The following FLACC1 variants were observed in gnomAD, a reference collection of about 807,000 sequenced individuals.
FLACC1 encodes the protein flagellum-associated coiled-coil domain-containing protein 1.
FLACC1 carries 66 observed loss-of-function variants against 62.8 expected under a neutral mutation model. The ratio of observed to expected loss-of-function variants is 1.05; its 90% confidence interval spans 0.86 to 1.29. The LOEUF is 1.29. FLACC1 is among the 50% of genes most tolerant of loss of function. FLACC1 has a pLI of 0.00. For missense variants in FLACC1, 452 were observed against 489.1 expected (o/e 0.92, Z 0.71); for synonymous variants, 156 against 161.0 (o/e 0.97, Z 0.24).
chr2:201,323,072 G>A (rs930026320), intron 9 of FLACC1, among the ~76,000 whole-genome samples: 1 of 152,064 alleles, frequency 6.6e-6, no homozygotes. Flanking sequence ...AATGAACAAA[G>A]TCTTCAAGAA....
chr2:201,300,642 C>T (rs1008054034), intron 11 of FLACC1, among the ~76,000 whole-genome samples: 13 of 152,116 alleles, frequency 8.5e-5, no homozygotes, highest in Non-Finnish European at 1.8e-4. Flanking sequence ...GGGTCCCTGA[C>T]CCCCGAGAAG....
intron 11 of FLACC1, among the ~76,000 whole-genome samples, chr2:201,303,525 T>A (rs1950034530): frequency 2.0e-5 from 3 of 152,204 alleles, no homozygotes; most frequent in Admixed American, 2.0e-4. Flanking sequence ...GTACCATTCC[T>A]TTGAAACTAT....
chr2:201,337,315 A>G (rs891984561), intron 7 of FLACC1, among the ~76,000 whole-genome samples: 6 of 152,172 alleles, frequency 3.9e-5, no homozygotes, highest in African/African-American at 1.2e-4. Context: ...ATTTTTGTAC[A>G]TGATGAGAGA....
chr2:201,307,322 T>C (rs1409320396), intron 11 of FLACC1, among the ~76,000 whole-genome samples, 197 bp downstream of exon 11: 1 of 152,248 alleles, frequency 6.6e-6, no homozygotes, highest in Non-Finnish European at 1.5e-5. Flanking sequence ...GATAAGACTG[T>C]CTAGCCTGTG....
At chr2:201,289,392 C>T in intron 14 of FLACC1, 65 bp downstream of exon 14, 1 of 1,477,970 alleles carries the variant, frequency 6.8e-7, no homozygotes, top group Non-Finnish European at 9.4e-7. Flanking sequence ...TAACCCATTC[C>T]TCACTCAAAC....
chr2:201,289,362 G>A, intron 14 of FLACC1, 95 bp downstream of exon 14: 2 of 1,141,086 alleles, frequency 1.8e-6, no homozygotes, highest in South Asian at 2.7e-5. Flanking sequence ...CATAACTAGG[G>A]AGCAGTTGGT....
At chr2:201,318,414 C>T (rs556138028) in intron 9 of FLACC1, among the ~76,000 whole-genome samples, 2 of 151,920 alleles carry the variant, frequency 1.3e-5, no homozygotes, top group Non-Finnish European at 2.9e-5. Context: ...AAACAAATAA[C>T]CCATCAAAAA....
chr2:201,360,854 G>A (rs1951180433), upstream of FLACC1, among the ~76,000 whole-genome samples: 1 of 152,178 alleles, frequency 6.6e-6, no homozygotes, highest in South Asian at 2.1e-4. Flanking sequence ...AAGGTGGGTG[G>A]ATCAACTGAG....
chr2:201,363,492 C>T, the FLACC1 span, among the ~76,000 whole-genome samples: 1 of 152,116 alleles, frequency 6.6e-6, no homozygotes, highest in Non-Finnish European at 1.5e-5. Context: ...GCCGCTGCCC[C>T]TCCCCATTCC....
intron 1 of FLACC1, among the ~76,000 whole-genome samples, chr2:201,355,222 T>A (rs1267652792): frequency 6.7e-6 from 1 of 149,150 alleles, no homozygotes; most frequent in East Asian, 2.0e-4. Context: ...GAGGTGGAGG[T>A]TGCAGTGAGC....
At chr2:201,353,295 G>A (rs1951062216) in intron 1 of FLACC1, among the ~76,000 whole-genome samples, 1 of 152,196 alleles carries the variant, frequency 6.6e-6, no homozygotes, top group Non-Finnish European at 1.5e-5. Context: ...AGTGAACTGT[G>A]ACTACATGGG....
chr2:201,340,728 T>C (rs571378908), intron 7 of FLACC1, among the ~76,000 whole-genome samples: 3 of 152,378 alleles, frequency 2.0e-5, no homozygotes, highest in East Asian at 1.9e-4. Flanking sequence ...TGCATTCATA[T>C]GTTTCATGTT....
intron 9 of FLACC1, among the ~76,000 whole-genome samples, chr2:201,313,274 C>A (rs917528701): frequency 2.0e-5 from 3 of 152,138 alleles, no homozygotes; most frequent in African/African-American, 7.2e-5. Flanking sequence ...AGCACAAAAG[C>A]ACTACTTGCT....
chr2:201,347,057 T>C (rs569609333), intron 4 of FLACC1, among the ~76,000 whole-genome samples: 1 of 152,350 alleles, frequency 6.6e-6, no homozygotes, highest in South Asian at 2.1e-4. Context: ...ATCCAGCATC[T>C]CTGTGCCTCA....
At chr2:201,339,891 G>C (rs1950772001) in intron 7 of FLACC1, among the ~76,000 whole-genome samples, 1 of 152,120 alleles carries the variant, frequency 6.6e-6, no homozygotes, top group Admixed American at 6.5e-5. Flanking sequence ...TGGGCAGGTA[G>C]GTAGGTTCAC....
intron 1 of FLACC1, 114 bp from the exon 2 acceptor site, chr2:201,351,565 C>G (rs1951029910): frequency 1.6e-6 from 1 of 617,440 alleles, no homozygotes; most frequent in Non-Finnish European, 2.9e-6. Context: ...ATTCCAGAAG[C>G]TGTTGATCTG....
At chr2:201,298,862 G>T (rs1949919570) in intron 12 of FLACC1, among the ~76,000 whole-genome samples, 1 of 152,216 alleles carries the variant, frequency 6.6e-6, no homozygotes, top group Non-Finnish European at 1.5e-5. Context: ...TTAAGGAGGG[G>T]CTTGGTGACA....
chr2:201,329,600 C>T (rs1426481594), intron 9 of FLACC1, among the ~76,000 whole-genome samples: 2 of 152,202 alleles, frequency 1.3e-5, no homozygotes, highest in African/African-American at 4.8e-5. Context: ...CCATGGAATA[C>T]TATGCAGCCA....
chr2:201,289,873 G>A (rs1239913153), intron 12 of FLACC1, 88 bp from the exon 13 acceptor site: 1 of 1,602,178 alleles, frequency 6.2e-7, no homozygotes. Flanking sequence ...TGATGAAAGG[G>A]AGCAACCTGA....
Sources: allele counts gnomAD v4.1 joint callset (sites outside exome capture counted in the v4.1 genomes callset), GRCh38; gene constraint gnomAD v4.1.1; transcripts MANE v1.5; gene names NCBI Gene and HGNC (gene_info 2026-07-23, HGNC 2026-07-21).